TMEM167A: variants seen among roughly 807,000 people sequenced by gnomAD.
The protein encoded by TMEM167A is protein kish-A.
TMEM167A carries 8 observed loss-of-function variants against 11.6 expected under a neutral mutation model. The ratio of observed to expected loss-of-function variants is 0.69; its 90% confidence interval spans 0.40 to 1.24. The LOEUF (loss-of-function observed/expected upper bound fraction) is 1.24, where lower values mean the gene tolerates loss of function less well. TMEM167A is among the 50% of genes most tolerant of loss of function. TMEM167A has a pLI of 0.01. For missense variants in TMEM167A, 62 were observed against 87.0 expected (o/e 0.71, Z 1.14); for synonymous variants, 22 against 28.0 (o/e 0.79, Z 0.67).
In TMEM167A at chr5:83,054,652, AG is replaced by A. The variant is rs1414283925; in HGVS notation, c.*2431del. 1 of 151,994 alleles carries A rather than the reference AG, an allele frequency of 6.6e-6. No homozygotes were observed. Among genetic ancestry groups the A allele is most frequent in the African/African-American group, 2.4e-5 (1 of 41,414 alleles). 9.4% of individuals were successfully genotyped at this position (151,994 alleles called of 1,614,324 possible). A position where few individuals can be genotyped will look rare whatever the true frequency, so the allele number is the denominator to read the frequency against. On this transcript the variant is annotated 3_prime_UTR_variant, in exon 4 of 4. Coordinates refer to ENST00000502346, the MANE Select transcript of TMEM167A (RefSeq NM_174909.5). ...AAATGATGAGAACTCAAGGACACAA[AG>A]AAAGGAACAACAGACACTGGGGCCT...
chr5:83,062,239 G>A (rs958673528), intron 2 of TMEM167A, among the ~76,000 whole-genome samples: 29 of 152,132 alleles, frequency 1.9e-4, no homozygotes, highest in African/African-American at 6.8e-4. Context: ...TTCAAAAGCA[G>A]AAAATGTATA....
intron 1 of TMEM167A, among the ~76,000 whole-genome samples, chr5:83,074,263 C>G (rs1744605656): frequency 6.6e-6 from 1 of 152,156 alleles, no homozygotes; most frequent in African/African-American, 2.4e-5. Context: ...CTGCCATTTC[C>G]TTTATCTACG....
At chr5:83,065,885 G>A (rs954799756) in intron 1 of TMEM167A, among the ~76,000 whole-genome samples, 6 of 152,148 alleles carry the variant, frequency 3.9e-5, no homozygotes, top group Non-Finnish European at 7.4e-5. Context: ...AGTAAATGGA[G>A]GTGGACTTAT....
chr5:83,062,966 A>G (rs917251725), intron 2 of TMEM167A, among the ~76,000 whole-genome samples: 1 of 151,914 alleles, frequency 6.6e-6, no homozygotes, highest in African/African-American at 2.4e-5. Context: ...CCTCCTCTGA[A>G]GTATAACTTC....
At chr5:83,076,460 A>G (rs529133435) in intron 1 of TMEM167A, among the ~76,000 whole-genome samples, 131 of 152,364 alleles carry the variant, frequency 8.6e-4, no homozygotes, top group Middle Eastern at 3.4e-3. Context: ...AGAAAGATGT[A>G]TAAGAATTAA....
At chr5:83,076,583 A>T (rs1744669562) in intron 1 of TMEM167A, among the ~76,000 whole-genome samples, 1 of 152,250 alleles carries the variant, frequency 6.6e-6, no homozygotes, top group Non-Finnish European at 1.5e-5. Context: ...CTGTGAACAT[A>T]GGCTCATAAT....
At chr5:83,075,219 A>G (rs1744624141) in intron 1 of TMEM167A, among the ~76,000 whole-genome samples, 1 of 152,222 alleles carries the variant, frequency 6.6e-6, no homozygotes, top group Non-Finnish European at 1.5e-5. Context: ...CATATGAACT[A>G]GGAATATCCC....
At chr5:83,068,855 C>T (rs1465329200) in intron 1 of TMEM167A, among the ~76,000 whole-genome samples, 1 of 152,208 alleles carries the variant, frequency 6.6e-6, no homozygotes, top group Admixed American at 6.5e-5. Flanking sequence ...TTAAAGAAAA[C>T]ATGCTTAAAT....
At chr5:83,061,562 C>T (rs1474594275) in intron 3 of TMEM167A, among the ~76,000 whole-genome samples, 1 of 152,024 alleles carries the variant, frequency 6.6e-6, no homozygotes, top group Non-Finnish European at 1.5e-5. Flanking sequence ...GTGTGCATGC[C>T]CAGCTAACTT....
At chr5:83,064,287 T>C (rs1202632350) in intron 2 of TMEM167A, 2 of 518,726 alleles carry the variant, frequency 3.9e-6, no homozygotes, top group South Asian at 1.4e-5. Context: ...TAGCATGTTA[T>C]GAACATATTC....
intron 1 of TMEM167A, among the ~76,000 whole-genome samples, chr5:83,075,717 C>T (rs1157923065): frequency 3.3e-5 from 5 of 151,208 alleles, no homozygotes; most frequent in Non-Finnish European, 5.9e-5. Flanking sequence ...TGCACTCCAG[C>T]CTGGGCAACA....
rs1186478626 is a variant in TMEM167A, at chr5:83,053,637, C to T, written c.*3447G>A. 1 of 151,952 alleles carries T rather than the reference C, an allele frequency of 6.6e-6. No homozygotes were observed. Among genetic ancestry groups the T allele is most frequent in the Non-Finnish European group, 1.5e-5 (1 of 67,930 alleles). 9.4% of individuals were successfully genotyped at this position (151,952 alleles called of 1,614,324 possible). On this transcript the variant is annotated 3_prime_UTR_variant, in exon 4 of 4. Coordinates refer to ENST00000502346, the MANE Select transcript of TMEM167A (RefSeq NM_174909.5). ...CAACAGGAATGAGAAAAATACAAGA[C>T]AGTCTAAGATCTAACCTTTGCCTAC... is the stretch of plus-strand genomic sequence containing the variant.
In TMEM167A at chr5:83,061,928, A is replaced by G. The variant is rs6868764; in HGVS notation, c.114-17T>C. 1.4e-3 allele frequency: 2,276 copies of G among 1,607,168 alleles called. 19 individuals carry two copies. The African/African-American group carries it at 0.024, about 17-fold the overall frequency. ...CCCAACAATCTGCATAGAATAAAAAAAGAAAAAAAGTAGCTATTGATTACT... is the reference window on the plus strand; with the variant it reads ...CCCAACAATCTGCATAGAATAAAAAGAGAAAAAAAGTAGCTATTGATTACT... On this transcript the variant is annotated splice_polypyrimidine_tract_variant and intron_variant, in intron 2 of 3. Coordinates refer to ENST00000502346, the MANE Select transcript of TMEM167A (RefSeq NM_174909.5).
At chr5:83,074,595 G>GAC (rs2112251091) in intron 1 of TMEM167A, among the ~76,000 whole-genome samples, 1 of 152,246 alleles carries the variant, frequency 6.6e-6, no homozygotes, top group African/African-American at 2.4e-5. Context: ...CCAAGTAAAG[G>GAC]TTCGGAACTG....
intron 3 of TMEM167A, among the ~76,000 whole-genome samples, chr5:83,060,144 G>A (rs1432179584): frequency 9.8e-6 from 1 of 102,168 alleles, no homozygotes; most frequent in Non-Finnish European, 2.1e-5. Flanking sequence ...CCACATCTCT[G>A]AGAAGTTGAA....
chr5:83,064,982 G>T, intron 2 of TMEM167A, 26 bp downstream of exon 2: 1 of 1,311,212 alleles, frequency 7.6e-7, no homozygotes, highest in South Asian at 1.3e-5. Context: ...ACTAATTTGG[G>T]TGATTAGACA....
At chr5:83,059,734 A>G (rs1045229590) in intron 3 of TMEM167A, among the ~76,000 whole-genome samples, 1 of 152,038 alleles carries the variant, frequency 6.6e-6, no homozygotes. Flanking sequence ...GTAAATCTAG[A>G]GCAGCCCTTC....
intron 1 of TMEM167A, among the ~76,000 whole-genome samples, chr5:83,076,950 G>A (rs755592116): frequency 1.5e-4 from 23 of 152,344 alleles, no homozygotes; most frequent in Non-Finnish European, 2.5e-4. Flanking sequence ...AATAACACCA[G>A]AGTAAAGCCC....
At chr5:83,068,988 G>C (rs1214586818) in intron 1 of TMEM167A, among the ~76,000 whole-genome samples, 3 of 152,108 alleles carry the variant, frequency 2.0e-5, no homozygotes, top group Admixed American at 6.6e-5. Context: ...CTTTATGTTT[G>C]AATGTTTTCA....
Sources: gnomAD v4.1 joint callset for allele counts (sites outside exome capture counted in the v4.1 genomes callset) on GRCh38, gnomAD v4.1.1 for gene constraint, MANE v1.5 for transcripts, NCBI Gene and HGNC (gene_info 2026-07-23, HGNC 2026-07-21) for gene names.